Variants in ADAMTSL1 observed in about 807,000 individuals in gnomAD.
The protein encoded by ADAMTSL1 is ADAMTS like 1.
ADAMTSL1 carries 126 observed loss-of-function variants against 201.8 expected under a neutral mutation model. The ratio of observed to expected loss-of-function variants is 0.62; its 90% CI spans 0.54 to 0.72. The LOEUF (loss-of-function observed/expected upper bound fraction) is 0.72. ADAMTSL1 is among the 30% of genes least tolerant of loss of function. The pLI is 0.00. For synonymous variants in ADAMTSL1, 1,121 were observed against 903.4 expected (o/e 1.24, Z -4.32); for missense variants, 2,679 against 2,277.8 (o/e 1.18, Z -3.59).
chr9:18,061,224 C>A (rs1822441454), intron 1 of ADAMTSL1, among the ~76,000 whole-genome samples: 3 of 152,204 alleles, frequency 2.0e-5, no homozygotes, highest in Admixed American at 2.0e-4. Flanking sequence ...AGACAGGTCA[C>A]TTAGCAGCTC....
chr9:17,961,176 G>A (rs903048667), intron 1 of ADAMTSL1, among the ~76,000 whole-genome samples: 1 of 152,102 alleles, frequency 6.6e-6, no homozygotes, highest in Admixed American at 6.6e-5. Flanking sequence ...TGTGGATTTG[G>A]ACAAGTTTTT....
intron 26 of ADAMTSL1, among the ~76,000 whole-genome samples, chr9:18,901,121 G>A (rs920800755): frequency 3.3e-4 from 50 of 150,112 alleles, no homozygotes; most frequent in African/African-American, 1.2e-3. Flanking sequence ...GTAAGACCAT[G>A]AGCCAAATAA....
At chr9:18,384,065 G>A (rs1837678113) in intron 2 of ADAMTSL1, among the ~76,000 whole-genome samples, 1 of 152,122 alleles carries the variant, frequency 6.6e-6, no homozygotes, top group Non-Finnish European at 1.5e-5. Flanking sequence ...TTCTCACACT[G>A]CTATAAAGAC....
intron 1 of ADAMTSL1, among the ~76,000 whole-genome samples, chr9:17,946,152 A>T (rs72695961): frequency 6.7e-6 from 1 of 148,222 alleles, no homozygotes; most frequent in Non-Finnish European, 1.5e-5. Flanking sequence ...CATGACCACC[A>T]TGCCCAGCTA....
At chr9:17,954,201 A>G (rs1037576054) in intron 1 of ADAMTSL1, among the ~76,000 whole-genome samples, 4 of 152,210 alleles carry the variant, frequency 2.6e-5, no homozygotes, top group Non-Finnish European at 4.4e-5. Flanking sequence ...AACTTCCTAA[A>G]TGGCAGCTGG....
intron 15 of ADAMTSL1, among the ~76,000 whole-genome samples, chr9:18,727,977 C>T (rs570009825): frequency 4.6e-5 from 7 of 151,958 alleles, no homozygotes; most frequent in Admixed American, 1.3e-4. Flanking sequence ...CTACTCGGGA[C>T]GCTGAGGTAG....
intron 23 of ADAMTSL1, among the ~76,000 whole-genome samples, chr9:18,885,026 T>C (rs187177461): frequency 6.9e-4 from 105 of 152,320 alleles, no homozygotes; most frequent in Non-Finnish European, 1.2e-3. Flanking sequence ...AAACATGAGA[T>C]GTCCTCCCAT....
At chr9:18,132,887 C>T (rs10963467) in intron 1 of ADAMTSL1, among the ~76,000 whole-genome samples, 1 of 152,150 alleles carries the variant, frequency 6.6e-6, no homozygotes, top group East Asian at 1.9e-4. Context: ...TTCCTTTCCT[C>T]TGAGATTCAT....
chr9:18,145,899 A>G (rs1421123977), intron 1 of ADAMTSL1, among the ~76,000 whole-genome samples: 1 of 152,210 alleles, frequency 6.6e-6, no homozygotes, highest in Non-Finnish European at 1.5e-5. Flanking sequence ...TTAAAACTCA[A>G]CAATAAGAAA....
intron 2 of ADAMTSL1, among the ~76,000 whole-genome samples, chr9:18,421,807 A>C (rs1372233465): frequency 6.6e-6 from 1 of 152,226 alleles, no homozygotes; most frequent in Non-Finnish European, 1.5e-5. Context: ...AATGGTAGTT[A>C]TTACAGGTAT....
chr9:17,962,970 G>A (rs746284556), intron 1 of ADAMTSL1, among the ~76,000 whole-genome samples: 1 of 152,236 alleles, frequency 6.6e-6, no homozygotes. Context: ...CTGTGTCAGG[G>A]CTTGGGGCCA....
chr9:18,840,451 G>A (rs1053455792), intron 23 of ADAMTSL1, among the ~76,000 whole-genome samples: 1 of 152,310 alleles, frequency 6.6e-6, no homozygotes, highest in Non-Finnish European at 1.5e-5. Flanking sequence ...TTCTGGTATA[G>A]TTTGAAGTCA....
chr9:18,186,295 A>T (rs1198916279), intron 2 of ADAMTSL1, among the ~76,000 whole-genome samples: 1 of 152,162 alleles, frequency 6.6e-6, no homozygotes, highest in Non-Finnish European at 1.5e-5. Flanking sequence ...TCTTATTTTT[A>T]AAAAAGCACA....
At chr9:18,274,216 G>A (rs189053612) in intron 2 of ADAMTSL1, among the ~76,000 whole-genome samples, 95 of 152,248 alleles carry the variant, frequency 6.2e-4, no homozygotes, top group Non-Finnish European at 5.0e-4. Context: ...TATCCCTATC[G>A]CTACGCATGG....
intron 1 of ADAMTSL1, among the ~76,000 whole-genome samples, chr9:18,475,861 T>C (rs376502240): frequency 6.6e-6 from 1 of 152,178 alleles, no homozygotes; most frequent in Non-Finnish European, 1.5e-5. Flanking sequence ...CATTATACTT[T>C]AGTAAAACTT....
chr9:18,291,747 TCACACACA>T (rs368988848), intron 2 of ADAMTSL1, among the ~76,000 whole-genome samples: 11 of 99,870 alleles, frequency 1.1e-4, no homozygotes, highest in South Asian at 4.1e-4. Context: ...TCTCTCTCTC[TCACACACA>T]CACACACACA....
chr9:18,631,060 G>C (rs1826735642), intron 5 of ADAMTSL1, among the ~76,000 whole-genome samples: 2 of 152,110 alleles, frequency 1.3e-5, no homozygotes, highest in Admixed American at 6.6e-5. Context: ...TGAGTGAGAG[G>C]GAATATAAGA....
rs377488767 is a variant in ADAMTSL1 at position 18,905,607 on chromosome 9, A to G, written c.4852-175A>G. 25 of 581,636 alleles carry G rather than the reference A, an allele frequency of 4.3e-5. 2 individuals are homozygous for G. The highest frequency in any genetic ancestry group is 1.1e-4 in the Admixed American group (4 of 34,888). 36.0% of individuals were successfully genotyped at this position (581,636 alleles called of 1,614,324 possible). A position where few individuals can be genotyped will look rare whatever the true frequency, so the allele number is the denominator to read the frequency against. ...ACCACAGGAAATCTAACCATCCCAT[A>G]AAGAAAACGTATCAGTGAGTGTCTT... On this transcript the variant is annotated intron_variant, in intron 26 of 28. Coordinates refer to ENST00000380548, the MANE Select transcript of ADAMTSL1 (RefSeq NM_001040272.6).
In ADAMTSL1 at chr9:18,795,333, T is replaced by C; in HGVS notation, c.3678-64T>C. 5.0e-6 allele frequency: 8 copies of C among 1,601,544 alleles called. No individual in the cohort carries two copies. In the South Asian group the frequency reaches 9.0e-5, roughly 18 times the overall value. Reference sequence around the variant, plus strand: ...CTGAGGTTCCTTCCTGCCTTACCAATATTGAATGCCAAAAAGGAGTCAACT... The same window carrying C: ...CTGAGGTTCCTTCCTGCCTTACCAACATTGAATGCCAAAAAGGAGTCAACT... On this transcript the variant is annotated intron_variant, in intron 19 of 28. Transcript: ENST00000380548.
Sources: allele counts gnomAD v4.1 joint callset (sites outside exome capture counted in the v4.1 genomes callset), GRCh38; gene constraint gnomAD v4.1.1; transcripts MANE v1.5; gene names NCBI Gene and HGNC (gene_info 2026-07-23, HGNC 2026-07-21).